ANO10: variants seen among roughly 807,000 people sequenced by gnomAD.
ANO10 encodes the protein anoctamin 10.
In ANO10, 77 loss-of-function variants were observed where a neutral mutation model predicts 74.7. That is an observed-to-expected ratio of 1.03 (90% CI 0.86 to 1.25). The LOEUF (loss-of-function observed/expected upper bound fraction) is 1.25. Ranked by LOEUF, ANO10 falls within the 50% of genes most tolerant of loss-of-function variation. ANO10 has a pLI of 0.00. For synonymous variants in ANO10, 279 were observed against 284.9 expected (o/e 0.98, Z 0.21); for missense variants, 721 against 778.1 (o/e 0.93, Z 0.87).
At chr3:43,517,582 A>G (rs908223306) in intron 11 of ANO10, among the ~76,000 whole-genome samples, 29 of 152,264 alleles carry the variant, frequency 1.9e-4, no homozygotes, top group African/African-American at 7.0e-4. Context: ...GAGTACACAC[A>G]AAGAATTGGT....
At chr3:43,433,559 A>G (rs1002596535) in intron 11 of ANO10, among the ~76,000 whole-genome samples, 5 of 152,216 alleles carry the variant, frequency 3.3e-5, no homozygotes, top group Non-Finnish European at 4.4e-5. Context: ...TTGTAACTTT[A>G]TGCTGCTGAC....
At chr3:43,436,161 G>C (rs1373957193) in intron 11 of ANO10, among the ~76,000 whole-genome samples, 1 of 151,920 alleles carries the variant, frequency 6.6e-6, no homozygotes, top group Non-Finnish European at 1.5e-5. Flanking sequence ...CAATTTTTTG[G>C]ATATTATTTA....
chr3:43,424,127 T>G (rs74482671), intron 12 of ANO10, among the ~76,000 whole-genome samples: 1 of 152,256 alleles, frequency 6.6e-6, no homozygotes, highest in African/African-American at 2.4e-5. Context: ...TTTGCCCCAT[T>G]TGAGTGTTGG....
At position 43,453,329 on chromosome 3, in the gene ANO10, G is replaced by A. The variant is rs1204700341; in HGVS notation, c.1798-20602C>T. On this transcript the variant is annotated intron_variant, in intron 11 of 12. Coordinates refer to ENST00000292246, the MANE Select transcript of ANO10 (RefSeq NM_018075.5). ...CAAGTAGCTGGGACTACAGGCACCC[G>A]CCACTGTGCCCGGCTAATTTTCCGT... is the stretch of plus-strand genomic sequence containing the variant. Among the ~76,000 whole-genome samples the A allele has an allele frequency of 5.9e-5, 9 of 151,916 alleles. 1 individual carries two copies. The highest frequency in any genetic ancestry group is 2.0e-4 in the Admixed American group (3 of 15,250).
chr3:43,573,665 TATTA>T (rs2080852643), intron 7 of ANO10, among the ~76,000 whole-genome samples: 4 of 152,338 alleles, frequency 2.6e-5, no homozygotes, highest in Admixed American at 2.6e-4. Flanking sequence ...GGTACTTCTT[TATTA>T]TTTATAATAA....
At chr3:43,478,218 G>A (rs1194585601) in intron 11 of ANO10, among the ~76,000 whole-genome samples, 1 of 152,136 alleles carries the variant, frequency 6.6e-6, no homozygotes, top group African/African-American at 2.4e-5. Flanking sequence ...ATGGAAGTTG[G>A]GGTTAGTCAG....
rs148893632 is a variant in ANO10 at position 43,585,360 on chromosome 3, GA to G, written c.473-4889del. Among the ~76,000 whole-genome samples the G allele has an allele frequency of 2.6e-5, 4 of 151,424 alleles. No homozygotes were observed. The South Asian group carries it at 6.3e-4, about 24-fold the overall frequency. On this transcript the variant is annotated intron_variant, in intron 4 of 12. Transcript: ENST00000292246. ...GGGAAGGGAGAAGAGAGGAAGAAAG[GA>G]AAAAAAACAACCTTTGTTTACAAAA...
At chr3:43,551,674 C>A (rs771074028) in intron 10 of ANO10, 14 of 418,694 alleles carry the variant, frequency 3.3e-5, no homozygotes, top group Non-Finnish European at 5.8e-5. Context: ...TAATTTGACA[C>A]TTTTATCATC....
intron 1 of ANO10, among the ~76,000 whole-genome samples, chr3:43,641,131 G>T (rs879795431): frequency 3.3e-5 from 5 of 152,114 alleles, no homozygotes; most frequent in African/African-American, 7.2e-5. Context: ...CCAAAATATT[G>T]TTCTTATAGT....
chr3:43,386,286 AGAAG>A (rs1443509345), intron 12 of ANO10, among the ~76,000 whole-genome samples: 1 of 152,180 alleles, frequency 6.6e-6, no homozygotes, highest in African/African-American at 2.4e-5. Context: ...TACTTTAAAA[AGAAG>A]GAAGGAAAGA....
chr3:43,383,912 T>C (rs2092043567), intron 12 of ANO10, among the ~76,000 whole-genome samples: 1 of 152,138 alleles, frequency 6.6e-6, no homozygotes, highest in South Asian at 2.1e-4. Context: ...CTGGAAGTCC[T>C]AGCCAGAGCA....
intron 12 of ANO10, among the ~76,000 whole-genome samples, chr3:43,386,120 T>C (rs1208772690): frequency 1.3e-5 from 2 of 152,168 alleles, no homozygotes; most frequent in Admixed American, 6.5e-5. Context: ...GAGTCCTGCC[T>C]GAGGATTCTG....
intron 1 of ANO10, among the ~76,000 whole-genome samples, chr3:43,608,571 C>CTTTGT (rs1257799080): frequency 2.0e-5 from 3 of 152,052 alleles, no homozygotes; most frequent in East Asian, 3.9e-4. Context: ...TGCACATGGC[C>CTTTGT]TTTGTTTTGT....
chr3:43,419,859 T>G (rs1444509400), intron 12 of ANO10, among the ~76,000 whole-genome samples: 2 of 152,194 alleles, frequency 1.3e-5, no homozygotes, highest in Non-Finnish European at 2.9e-5. Flanking sequence ...GAGTTACATA[T>G]GGGTTCACTA....
At chr3:43,448,874 T>TTTCTTTC (rs1491292471) in intron 11 of ANO10, among the ~76,000 whole-genome samples, 13 of 13,462 alleles carry the variant, frequency 9.7e-4, no homozygotes, top group African/African-American at 1.2e-3. Context: ...TCTTTCTTTC[T>TTTCTTTC]TTTTTTTTTT....
At chr3:43,586,942 T>C (rs2081507135) in intron 4 of ANO10, among the ~76,000 whole-genome samples, 1 of 151,726 alleles carries the variant, frequency 6.6e-6, no homozygotes, top group Non-Finnish European at 1.5e-5. Context: ...GACTTGAAAA[T>C]ACTACAAAGA....
intron 11 of ANO10, among the ~76,000 whole-genome samples, chr3:43,506,590 T>A (rs1443034443): frequency 1.3e-5 from 2 of 152,166 alleles, no homozygotes; most frequent in African/African-American, 4.8e-5. Flanking sequence ...TGCATCATAT[T>A]TATGGACTCA....
chr3:43,670,214 T>C (rs749563010), intron 1 of ANO10, among the ~76,000 whole-genome samples: 2 of 151,662 alleles, frequency 1.3e-5, no homozygotes, highest in Non-Finnish European at 2.9e-5. Context: ...GTAAATAAAT[T>C]AGCTAGTCAT....
At chr3:43,415,529 T>TTTTC (rs559233670) in intron 12 of ANO10, among the ~76,000 whole-genome samples, 1 of 151,752 alleles carries the variant, frequency 6.6e-6, no homozygotes, top group African/African-American at 2.4e-5. Flanking sequence ...AGTTCTTATT[T>TTTTC]TTTCTTTCTT....
Sources: allele counts gnomAD v4.1 joint callset (sites outside exome capture counted in the v4.1 genomes callset), GRCh38; gene constraint gnomAD v4.1.1; transcripts MANE v1.5; gene names NCBI Gene and HGNC (gene_info 2026-07-23, HGNC 2026-07-21).